The following NRXN1 variants were observed in gnomAD, a reference collection of about 807,000 sequenced individuals.
The protein encoded by NRXN1 is neurexin 1.
A neutral mutation model predicts 150.9 loss-of-function variants in NRXN1; 39 were observed. The ratio of observed to expected loss-of-function variants is 0.26; its 90% CI spans 0.20 to 0.34. NRXN1 has a LOEUF of 0.34. Among genes scored for constraint, NRXN1 ranks in the 10% least tolerant of loss-of-function variants. The pLI, the probability that NRXN1 is intolerant of heterozygous loss-of-function variation, is 1.00. For synonymous variants in NRXN1, 924 were observed against 757.0 expected, an observed-to-expected ratio of 1.22 and a Z score of -3.62; for missense variants, 1,815 against 1,949.9, an observed-to-expected ratio of 0.93 and a Z score of 1.30.
At chr2:50,922,531 A>T (rs2104289499) in intron 4 of NRXN1, 127 bp downstream of exon 4, 1 of 891,464 alleles carries the variant, frequency 1.1e-6, no homozygotes, top group African/African-American at 1.7e-5. Context: ...TGTGAACAAA[A>T]GATATGTATT....
intron 17 of NRXN1, among the ~76,000 whole-genome samples, chr2:50,302,740 A>G (rs2074273645): frequency 1.3e-5 from 2 of 152,176 alleles, no homozygotes; most frequent in African/African-American, 4.8e-5. Context: ...AGTTTCAAGA[A>G]AAAACACTCC....
chr2:50,278,065 C>G (rs2070792173), intron 17 of NRXN1, among the ~76,000 whole-genome samples: 1 of 78,236 alleles, frequency 1.3e-5, no homozygotes, highest in Non-Finnish European at 2.1e-5. Flanking sequence ...CTTTCTCTCT[C>G]TCTTTTTTTT....
intron 11 of NRXN1, among the ~76,000 whole-genome samples, chr2:50,529,405 T>C (rs1289691789): frequency 6.6e-6 from 1 of 152,214 alleles, no homozygotes; most frequent in African/African-American, 2.4e-5. Flanking sequence ...TGATTTTCCC[T>C]TTCTTATATT....
At chr2:50,165,228 C>T (rs577089890) in intron 18 of NRXN1, among the ~76,000 whole-genome samples, 5 of 152,282 alleles carry the variant, frequency 3.3e-5, no homozygotes, top group East Asian at 1.9e-4. Flanking sequence ...GTCATATTAA[C>T]GGATCCTCAT....
At chr2:50,116,636 GCAAGAAAAAACTCTACCTCTTCCCCA>G (rs367627809) in intron 18 of NRXN1, among the ~76,000 whole-genome samples, 65 of 152,112 alleles carry the variant, frequency 4.3e-4, no homozygotes, top group African/African-American at 1.5e-3. Context: ...GTTCCAGAAA[GCAAGAAAAAACTCTACCTCTTCCCCA>G]CATCTCTTCT....
At chr2:50,830,922 C>G (rs908173991) in intron 5 of NRXN1, among the ~76,000 whole-genome samples, 1 of 151,838 alleles carries the variant, frequency 6.6e-6, no homozygotes, top group African/African-American at 2.4e-5. Context: ...CGTAGCAGCG[C>G]TATTTATTTG....
chr2:50,534,750 A>G (rs2093210448), intron 10 of NRXN1, among the ~76,000 whole-genome samples: 1 of 152,166 alleles, frequency 6.6e-6, no homozygotes, highest in African/African-American at 2.4e-5. Flanking sequence ...TCTTTATTTA[A>G]TCTCTATAAC....
chr2:50,194,859 T>G lies in NRXN1; in HGVS notation c.3546+41930A>C, dbSNP rs1186046679. On this transcript the variant is annotated intron_variant, in intron 18 of 22. Coordinates refer to ENST00000401669, the MANE Select transcript of NRXN1 (RefSeq NM_001330078.2). ...AGTGATCTGTCATTTTTCTCTCCTC[T>G]TTGTTCAAATTAAAGAACAACAACA... 1.3e-5 allele frequency among the ~76,000 whole-genome samples: 2 copies of G among 152,180 alleles called. 1 individual carries two copies. Among genetic ancestry groups the G allele is most frequent in the Non-Finnish European group, 2.9e-5 (2 of 68,024 alleles).
At chr2:50,746,869 G>A (rs560359906) in intron 5 of NRXN1, among the ~76,000 whole-genome samples, 67 of 152,172 alleles carry the variant, frequency 4.4e-4, no homozygotes, top group African/African-American at 1.5e-3. Flanking sequence ...TAAATATCCT[G>A]TTGTGGAAGA....
intron 17 of NRXN1, among the ~76,000 whole-genome samples, chr2:50,294,439 A>G (rs1233601255): frequency 6.6e-6 from 1 of 152,246 alleles, no homozygotes; most frequent in East Asian, 1.9e-4. Flanking sequence ...TAAATCAGAA[A>G]TAGCAAATAG....
intron 17 of NRXN1, among the ~76,000 whole-genome samples, chr2:50,393,186 A>G (rs1473186086): frequency 6.6e-6 from 1 of 152,018 alleles, no homozygotes; most frequent in Non-Finnish European, 1.5e-5. Context: ...ATAATAATAA[A>G]ACATATGTAT....
At position 50,868,192 on chromosome 2, in the gene NRXN1, TAC is replaced by T. The variant is rs554590354; in HGVS notation, c.832+53675_832+53676del. On this transcript the variant is annotated intron_variant, in intron 5 of 22. Coordinates refer to ENST00000401669, the MANE Select transcript of NRXN1 (RefSeq NM_001330078.2). ...ATATATATATATATATATATATGCA[TAC>T]ACACACACAGGAATACTATGCAGCC... Among the ~76,000 whole-genome samples, 394 of 115,216 alleles carry T rather than the reference TAC, an allele frequency of 3.4e-3. 3 individuals carry two copies. Among genetic ancestry groups the T allele is most frequent in the African/African-American group, 0.012 (377 of 31,938 alleles). 75.6% of individuals were successfully genotyped at this position (115,216 alleles called of 152,430 possible).
chr2:50,311,388 A>T (rs1251078466), intron 17 of NRXN1, among the ~76,000 whole-genome samples: 3 of 152,152 alleles, frequency 2.0e-5, no homozygotes, highest in Admixed American at 6.6e-5. Context: ...ATATTTAAAG[A>T]TATGCACTGC....
intron 8 of NRXN1, among the ~76,000 whole-genome samples, chr2:50,572,916 T>A (rs1397632620): frequency 4.6e-5 from 7 of 152,208 alleles, no homozygotes; most frequent in Non-Finnish European, 8.8e-5. Context: ...TTTGAGCAAG[T>A]ATCTTTATTG....
chr2:50,978,327 GATTT>G (rs1575110775), intron 2 of NRXN1, among the ~76,000 whole-genome samples: 1 of 108,144 alleles, frequency 9.2e-6, no homozygotes, highest in East Asian at 2.5e-4. Context: ...ATTATAGATA[GATTT>G]GTTTTTAAAT....
At chr2:50,664,851 GCTAT>G (rs1362567940) in intron 5 of NRXN1, among the ~76,000 whole-genome samples, 1 of 150,740 alleles carries the variant, frequency 6.6e-6, no homozygotes, top group Non-Finnish European at 1.5e-5. Context: ...ATGACCTAAT[GCTAT>G]CTATCACCTT....
At chr2:50,128,401 C>T (rs775856160) in intron 18 of NRXN1, among the ~76,000 whole-genome samples, 33 of 152,076 alleles carry the variant, frequency 2.2e-4, no homozygotes, top group Non-Finnish European at 4.4e-4. Flanking sequence ...TTAAAGTATT[C>T]GAACTAAAAT....
At chr2:50,597,392 C>A (rs918647180) in intron 8 of NRXN1, among the ~76,000 whole-genome samples, 8 of 152,168 alleles carry the variant, frequency 5.3e-5, no homozygotes, top group African/African-American at 1.7e-4. Context: ...CCATAAGGCC[C>A]CCTCTCAAGC....
At chr2:50,772,508 A>AG (rs1029612266) in intron 5 of NRXN1, among the ~76,000 whole-genome samples, 2 of 149,244 alleles carry the variant, frequency 1.3e-5, no homozygotes, top group African/African-American at 4.9e-5. Flanking sequence ...TTGGTTTTAC[A>AG]AAAAAAAAAT....
Sources: allele counts gnomAD v4.1 joint callset (sites outside exome capture counted in the v4.1 genomes callset), GRCh38; gene constraint gnomAD v4.1.1; transcripts MANE v1.5; gene names NCBI Gene and HGNC (gene_info 2026-07-23, HGNC 2026-07-21).